Variants in RABGAP1L observed in about 807,000 individuals in gnomAD.
The protein encoded by RABGAP1L is RAB GTPase activating protein 1 like.
In RABGAP1L, 63 loss-of-function variants were observed where a neutral mutation model predicts 137.7. That is an observed-to-expected ratio of 0.46 (90% confidence interval 0.37 to 0.56). The LOEUF (loss-of-function observed/expected upper bound fraction) is 0.56. Ranked by LOEUF, RABGAP1L falls within the 20% of genes least tolerant of loss-of-function variation. The pLI, the probability that RABGAP1L is intolerant of heterozygous loss-of-function variation, is 0.00. For missense variants in RABGAP1L, 1,095 were observed against 1,244.0 expected (o/e 0.88, Z 1.80); for synonymous variants, 431 against 433.7 (o/e 0.99, Z 0.08).
intron 12 of RABGAP1L, among the ~76,000 whole-genome samples, chr1:174,380,816 C>T (rs1366043154): frequency 1.7e-5 from 2 of 117,750 alleles, no homozygotes; most frequent in African/African-American, 3.3e-5. Flanking sequence ...TTAGTTATTT[C>T]TTGCCTTCTG....
chr1:174,567,172 C>T (rs1010448589), intron 13 of RABGAP1L, among the ~76,000 whole-genome samples: 6 of 152,002 alleles, frequency 3.9e-5, no homozygotes, highest in African/African-American at 1.4e-4. Context: ...AACAATAACT[C>T]CCACCCTTCT....
chr1:174,449,896 TTC>T (rs1491277126), intron 13 of RABGAP1L, among the ~76,000 whole-genome samples: 2 of 152,200 alleles, frequency 1.3e-5, no homozygotes, highest in Non-Finnish European at 2.9e-5. Flanking sequence ...CCTGTTTTTT[TTC>T]TCTCTTTTTC....
chr1:174,630,219 G>A (rs1217407157), intron 13 of RABGAP1L, among the ~76,000 whole-genome samples: 42 of 141,016 alleles, frequency 3.0e-4, no homozygotes, highest in African/African-American at 7.6e-4. Flanking sequence ...TATTGAACCA[G>A]CCTTGCATCC....
chr1:174,943,029 T>A (rs1666147998), intron 19 of RABGAP1L, among the ~76,000 whole-genome samples: 1 of 152,210 alleles, frequency 6.6e-6, no homozygotes, highest in Admixed American at 6.5e-5. Flanking sequence ...TTGGGGAAAC[T>A]ATGAACCTCT....
At position 174,485,585 on chromosome 1, in the gene RABGAP1L, A is replaced by T. The variant is rs544537122; in HGVS notation, c.1710+91440A>T. On this transcript the variant is annotated intron_variant, in intron 13 of 25. Coordinates refer to ENST00000681986, the MANE Select transcript of RABGAP1L (RefSeq NM_001366446.1). Reference sequence around the variant, plus strand: ...TTTTGTGAAATGCTTTTTCAGCTTCAATGGAAATGATTATATGGTTTGTGT... The same window carrying T: ...TTTTGTGAAATGCTTTTTCAGCTTCTATGGAAATGATTATATGGTTTGTGT... 2.0e-5 allele frequency among the ~76,000 whole-genome samples: 3 copies of T among 152,326 alleles called. No homozygotes were observed. The South Asian group carries it at 6.2e-4, about 32-fold the overall frequency.
intron 13 of RABGAP1L, among the ~76,000 whole-genome samples, chr1:174,511,567 CAATCTATGCCCTGGTTA>C (rs945004283): frequency 2.0e-5 from 3 of 151,528 alleles, no homozygotes; most frequent in African/African-American, 4.8e-5. Context: ...TTGACTCTAT[CAATCTATGCCCTGGTTA>C]AAACTAATTC....
intron 23 of RABGAP1L, 57 bp downstream of exon 23, chr1:174,978,947 T>A: frequency 1.8e-6 from 2 of 1,107,466 alleles, no homozygotes; most frequent in Non-Finnish European, 2.4e-6. Flanking sequence ...TAAAAGTAAT[T>A]TTTTTTTTTT....
intron 7 of RABGAP1L, among the ~76,000 whole-genome samples, chr1:174,270,624 G>A (rs1461383118): frequency 6.6e-6 from 1 of 151,622 alleles, no homozygotes; most frequent in African/African-American, 2.4e-5. Context: ...ATCTTTTTCT[G>A]CCTTAAAAAA....
intron 19 of RABGAP1L, among the ~76,000 whole-genome samples, chr1:174,825,404 C>T (rs1691463937): frequency 6.6e-6 from 1 of 152,236 alleles, no homozygotes; most frequent in Non-Finnish European, 1.5e-5. Flanking sequence ...ATACTTTCTA[C>T]TAACTCTTGC....
At chr1:174,187,283 AGAGTGAAGGAAGT>A (rs1666878253) in intron 1 of RABGAP1L, among the ~76,000 whole-genome samples, 4 of 151,610 alleles carry the variant, frequency 2.6e-5, no homozygotes, top group Admixed American at 6.6e-5. Flanking sequence ...TGTGGCAGGT[AGAGTGAAGGAAGT>A]GAACAGGGTA....
intron 13 of RABGAP1L, among the ~76,000 whole-genome samples, chr1:174,454,467 G>A (rs1655807145): frequency 6.6e-6 from 1 of 151,468 alleles, no homozygotes; most frequent in African/African-American, 2.4e-5. Flanking sequence ...TGCAATAGTA[G>A]ATGTTCTTGA....
At chr1:174,771,806 A>G (rs1686129345) in intron 18 of RABGAP1L, among the ~76,000 whole-genome samples, 1 of 152,260 alleles carries the variant, frequency 6.6e-6, no homozygotes, top group African/African-American at 2.4e-5. Flanking sequence ...TGAGCTCTCA[A>G]ATGCATTTTT....
chr1:174,817,162 G>A (rs1227740373), intron 19 of RABGAP1L, among the ~76,000 whole-genome samples: 1 of 152,176 alleles, frequency 6.6e-6, no homozygotes, highest in Non-Finnish European at 1.5e-5. Context: ...TCTGTTGGTA[G>A]AGCTTTATAA....
intron 19 of RABGAP1L, among the ~76,000 whole-genome samples, chr1:174,820,807 AG>A (rs1289709547): frequency 6.6e-6 from 1 of 152,062 alleles, no homozygotes; most frequent in Admixed American, 6.6e-5. Flanking sequence ...GCCTGAGCTC[AG>A]GGCTTCAAGA....
chr1:174,399,306 A>G (rs1388883730), intron 13 of RABGAP1L, among the ~76,000 whole-genome samples: 2 of 152,070 alleles, frequency 1.3e-5, no homozygotes, highest in African/African-American at 4.8e-5. Flanking sequence ...AATACATCTG[A>G]GCTTATAGTC....
chr1:174,494,384 C>T (rs541684280), intron 13 of RABGAP1L, among the ~76,000 whole-genome samples: 84 of 152,280 alleles, frequency 5.5e-4, no homozygotes, highest in African/African-American at 1.9e-3. Context: ...TCATCTCATC[C>T]TCCGTTGAAT....
chr1:174,842,958 T>C (rs566787997), intron 19 of RABGAP1L, among the ~76,000 whole-genome samples: 1 of 152,326 alleles, frequency 6.6e-6, no homozygotes, highest in East Asian at 1.9e-4. Context: ...CTGAAGGCCA[T>C]GGGACTTACC....
At chr1:174,178,378 G>A (rs4650958) in intron 1 of RABGAP1L, among the ~76,000 whole-genome samples, 56,230 of 151,902 alleles carry the variant, frequency 0.37, 12,697 homozygotes, top group African/African-American at 0.63. Flanking sequence ...GCTGAGATGG[G>A]TGGTGGCAGT....
intron 3 of RABGAP1L, 55 bp from the exon 4 acceptor site, chr1:174,231,090 A>G (rs1189341727): frequency 7.5e-7 from 1 of 1,328,376 alleles, no homozygotes; most frequent in Non-Finnish European, 1.1e-6. Context: ...GCAAGATTAT[A>G]ATGATGGTGG....
Sources: allele counts gnomAD v4.1 joint callset (sites outside exome capture counted in the v4.1 genomes callset), GRCh38; gene constraint gnomAD v4.1.1; transcripts MANE v1.5; gene names NCBI Gene and HGNC (gene_info 2026-07-23, HGNC 2026-07-21).